IFT52: variants seen among roughly 807,000 people sequenced by gnomAD.
IFT52 encodes the protein intraflagellar transport 52, also known as intraflagellar transport protein 52 homolog.
Under a neutral mutation model 54.4 loss-of-function variants are expected in IFT52, and 44 were observed. The observed-to-expected ratio is 0.81, with a 90% CI of 0.63 to 1.04. IFT52 has a LOEUF of 1.04. Among genes scored for constraint, IFT52 ranks in the 50% least tolerant of loss-of-function variants. The pLI is 0.00. For missense variants in IFT52, 452 were observed against 523.6 expected (o/e 0.86, Z 1.33); for synonymous variants, 181 against 185.3 (o/e 0.98, Z 0.19).
intron 12 of IFT52, among the ~76,000 whole-genome samples, chr20:43,641,155 G>A (rs1232174550): frequency 6.6e-6 from 1 of 151,810 alleles, no homozygotes; most frequent in East Asian, 1.9e-4. Context: ...TGTTGTTGGT[G>A]GAATTATGGG....
chr20:43,639,297 A>G (rs2145674430), intron 12 of IFT52, among the ~76,000 whole-genome samples: 1 of 152,184 alleles, frequency 6.6e-6, no homozygotes, highest in East Asian at 1.9e-4. Flanking sequence ...GAACACTTCA[A>G]AAAGCCAAGG....
Position 43,637,171 on chromosome 20 carries a change from A to G in IFT52, c.1038A>G (p.Leu346=). 1 of 1,612,516 alleles carries G rather than the reference A, an allele frequency of 6.2e-7. No individual in the cohort carries two copies. ...TTTTTCCTCCCAGTTTCCGGGAGTT[A>G]CCACCTCCTCCTCTGGAGCTATTTG... ...PAVFPPSFRE[L]PPPPLELFDL... The change falls in exon 12 of 14, where the codon TTA becomes TTG. Residue 346 remains leucine, a synonymous_variant. Transcript: ENST00000373030.
Position 43,618,962 on chromosome 20 carries a change from T to C in IFT52, c.635T>C (p.Val212Ala). The C allele has an allele frequency of 6.2e-7, 1 of 1,613,944 alleles. No homozygotes were observed. Among genetic ancestry groups the C allele is most frequent in the Non-Finnish European group, 8.5e-7 (1 of 1,179,862 alleles). ...HSKNQGGKLA[V>A]LGSCHMFSDQ... ...TAGAACCAAGGTGGGAAGCTGGCAG[T>C]GCTTGGTTCATGTCACATGTTCAGT... is the stretch of plus-strand genomic sequence containing the variant. The change falls in exon 8 of 14, where the codon GTG becomes GCG. Residue 212 changes from valine (V) to alanine (A), a missense_variant. By Grantham distance (64) the Val-to-Ala change is moderately conservative. Coordinates refer to ENST00000373030, the MANE Select transcript of IFT52 (RefSeq NM_016004.5).
At chr20:43,604,062 A>G (rs1295726695) in intron 4 of IFT52, 121 bp from the exon 5 acceptor site, 2 of 973,602 alleles carry the variant, frequency 2.1e-6, no homozygotes, top group African/African-American at 1.6e-5. Context: ...GCTTCCATTT[A>G]TAAAGCGAGA....
At position 43,619,139 on chromosome 20, in the gene IFT52, A is replaced by G. The variant is rs575895497; in HGVS notation, c.699+113A>G. On this transcript the variant is annotated intron_variant, in intron 8 of 13. Transcript: ENST00000373030. ...TAAAAGCAGCTACTCAGAACCCATT[A>G]TATGCCAGGCACTGAGAATACAAAG... 9.7e-6 allele frequency: 7 copies of G among 724,282 alleles called. No homozygotes were observed. The South Asian group carries it at 1.3e-4, about 13-fold the overall frequency. The allele number at this position is 724,282 out of a possible 1,614,324, so 44.9% of individuals were successfully genotyped here. A position where few individuals can be genotyped will look rare whatever the true frequency, so the allele number is the denominator to read the frequency against.
rs147804442 is a variant in IFT52, at chr20:43,598,423, G to A, written c.207+1901G>A. ...AATACTGCTGAACTAGGCCAGGTGC[G>A]GTGGCTAACACCTGTAATCCCAGCA... On this transcript the variant is annotated intron_variant, in intron 3 of 13. Coordinates refer to ENST00000373030, the MANE Select transcript of IFT52 (RefSeq NM_016004.5). Among the ~76,000 whole-genome samples, 1,167 of 152,162 alleles carry A rather than the reference G, an allele frequency of 7.7e-3. 20 individuals carry two copies. Among genetic ancestry groups the A allele is most frequent in the African/African-American group, 0.026 (1,068 of 41,522 alleles).
rs35499151 is a variant in IFT52, at chr20:43,614,241, C to CT, written c.612+280dup. Among the ~76,000 whole-genome samples the CT allele has an allele frequency of 5.2e-3, 755 of 144,046 alleles. 6 individuals are homozygous for CT. Among genetic ancestry groups the CT allele is most frequent in the Middle Eastern group, 0.025 (7 of 282 alleles). 94.5% of individuals were successfully genotyped at this position (144,046 alleles called of 152,430 possible). A position where few individuals can be genotyped will look rare whatever the true frequency, so the allele number is the denominator to read the frequency against. ...TAGCATGAGGCTACCTGTATTATAA[C>CT]TTTTTTTTTTTTTTTGAGATGGAGT... On this transcript the variant is annotated intron_variant, in intron 7 of 13. Coordinates refer to ENST00000373030, the MANE Select transcript of IFT52 (RefSeq NM_016004.5).
At chr20:43,599,794 T>A (rs1007295255) in intron 3 of IFT52, among the ~76,000 whole-genome samples, 1 of 152,172 alleles carries the variant, frequency 6.6e-6, no homozygotes. Context: ...CCACCTCAAC[T>A]ACATTGACGC....
intron 12 of IFT52, 55 bp from the exon 13 acceptor site, chr20:43,642,424 C>G: frequency 1.3e-6 from 2 of 1,555,788 alleles, no homozygotes; most frequent in Non-Finnish European, 1.8e-6. Flanking sequence ...TAAGTCTGTA[C>G]TTTGGGAAGG....
intron 6 of IFT52, among the ~76,000 whole-genome samples, chr20:43,608,526 A>G (rs577159771): frequency 3.9e-5 from 6 of 152,232 alleles, no homozygotes; most frequent in African/African-American, 7.2e-5. Flanking sequence ...GCATTCATTT[A>G]TAATACCTCT....
At chr20:43,621,590 G>A (rs982619909) in intron 9 of IFT52, among the ~76,000 whole-genome samples, 1 of 152,212 alleles carries the variant, frequency 6.6e-6, no homozygotes, top group Non-Finnish European at 1.5e-5. Flanking sequence ...AGCCTCCTGA[G>A]TAGCTGGGAT....
intron 10 of IFT52, among the ~76,000 whole-genome samples, chr20:43,630,320 C>T (rs6030998): frequency 0.74 from 112,505 of 152,090 alleles, 41,787 homozygotes; most frequent in East Asian, 0.8. Context: ...GATAATTCTT[C>T]AGTGTTAAAT....
chr20:43,614,839 C>T (rs1372322756), intron 7 of IFT52, among the ~76,000 whole-genome samples: 8 of 145,776 alleles, frequency 5.5e-5, no homozygotes, highest in Middle Eastern at 7.2e-3. Context: ...GATGGAGTCT[C>T]ACTCTGTTGT....
At chr20:43,595,630 A>G (rs1981895271) in intron 2 of IFT52, among the ~76,000 whole-genome samples, 2 of 152,212 alleles carry the variant, frequency 1.3e-5, no homozygotes, top group African/African-American at 4.8e-5. Context: ...TCATGCCTGT[A>G]ATCCCAGCAC....
intron 6 of IFT52, chr20:43,605,278 G>C: frequency 7.9e-7 from 1 of 1,273,830 alleles, no homozygotes; most frequent in Non-Finnish European, 1.0e-6. Flanking sequence ...CAGCATGGTG[G>C]CTCACGCCTG....
chr20:43,634,924 A>T (rs1396382134), intron 10 of IFT52, among the ~76,000 whole-genome samples: 11 of 152,166 alleles, frequency 7.2e-5, no homozygotes, highest in Non-Finnish European at 1.5e-4. Context: ...TAATCTCAGC[A>T]CTTTGGGAGA....
intron 10 of IFT52, among the ~76,000 whole-genome samples, chr20:43,632,697 A>G (rs1364225384): frequency 2.0e-5 from 3 of 151,960 alleles, no homozygotes; most frequent in Non-Finnish European, 4.4e-5. Flanking sequence ...CCTGGTACAT[A>G]GTGGATATTC....
chr20:43,610,733 C>G (rs1295222747), intron 6 of IFT52, among the ~76,000 whole-genome samples: 1 of 150,376 alleles, frequency 6.6e-6, no homozygotes, highest in Non-Finnish European at 1.5e-5. Flanking sequence ...AGCGAGACTC[C>G]GTCTCAAAAA....
intron 1 of IFT52, among the ~76,000 whole-genome samples, chr20:43,591,586 A>G (rs891461101): frequency 6.6e-6 from 1 of 152,216 alleles, no homozygotes; most frequent in African/African-American, 2.4e-5. Context: ...TGGTGGGACC[A>G]TGGAGGGGGC....
Sources: gnomAD v4.1 joint callset for allele counts (sites outside exome capture counted in the v4.1 genomes callset) on GRCh38, gnomAD v4.1.1 for gene constraint, MANE v1.5 for transcripts, NCBI Gene and HGNC (gene_info 2026-07-23, HGNC 2026-07-21) for gene names.